Variants in FBXO31 observed in about 807,000 individuals in gnomAD.
FBXO31 encodes the protein F-box only protein 31.
Under a neutral mutation model 54.4 loss-of-function variants are expected in FBXO31, and 24 were observed. The ratio of observed to expected loss-of-function variants is 0.44; its 90% CI spans 0.32 to 0.62. The LOEUF (loss-of-function observed/expected upper bound fraction) is 0.62. Ranked by LOEUF, FBXO31 falls within the 20% of genes least tolerant of loss-of-function variation. FBXO31 has a pLI of 0.05. For missense variants in FBXO31, 665 were observed against 787.1 expected, an observed-to-expected ratio of 0.84 and a Z score of 1.86; for synonymous variants, 388 against 335.6, an observed-to-expected ratio of 1.16 and a Z score of -1.71.
intron 8 of FBXO31, among the ~76,000 whole-genome samples, chr16:87,332,487 C>G (rs960295979): frequency 1.6e-4 from 25 of 152,238 alleles, no homozygotes; most frequent in Admixed American, 1.6e-3. Flanking sequence ...TGAAGGGTAA[C>G]AGAGCTTTTT....
At chr16:87,356,706 A>C (rs2030272467) in intron 2 of FBXO31, among the ~76,000 whole-genome samples, 1 of 152,292 alleles carries the variant, frequency 6.6e-6, no homozygotes, top group South Asian at 2.1e-4. Context: ...ATTAGGTGAA[A>C]TTACTCTTTC....
In FBXO31 at chr16:87,354,372, G is replaced by C. The variant is rs111248091; in HGVS notation, c.412+5923C>G. On this transcript the variant is annotated intron_variant, in intron 2 of 8. Transcript: ENST00000311635. ...CACCTGTAGTCCCAGCTAACTAGGA[G>C]CTGAGGTCAGTCATCTGAGCCCGGG... Among the ~76,000 whole-genome samples the C allele has an allele frequency of 6.9e-3, 1,043 of 152,076 alleles. 9 individuals carry two copies. The highest frequency in any genetic ancestry group is 0.024 in the African/African-American group (980 of 41,464).
At chr16:87,370,869 T>C (rs1293257491) in intron 1 of FBXO31, among the ~76,000 whole-genome samples, 1 of 152,124 alleles carries the variant, frequency 6.6e-6, no homozygotes, top group Non-Finnish European at 1.5e-5. Flanking sequence ...ATAATTACAA[T>C]CCATAGGAAA....
chr16:87,383,284 G>C lies in FBXO31; in HGVS notation c.340+121C>G. ...CCACACCCAAAACACCACATCGCCG[G>C]GCCCCGCGCCCAACTGGTGGCCCCC... On this transcript the variant is annotated intron_variant, in intron 1 of 8. Transcript: ENST00000311635. This position sits in a 1 kb window ranked among gnomAD's most constrained non-coding sequence, Gnocchi z 4.9. 1.1e-6 allele frequency: 1 copy of C among 942,058 alleles called. No homozygotes were observed. Among genetic ancestry groups the C allele is most frequent in the Non-Finnish European group, 1.5e-6 (1 of 668,504 alleles). 58.4% of individuals were successfully genotyped at this position (942,058 alleles called of 1,614,324 possible). A position where few individuals can be genotyped will look rare whatever the true frequency, so the allele number is the denominator to read the frequency against.
chr16:87,377,828 CAA>C (rs1257957419), intron 1 of FBXO31, among the ~76,000 whole-genome samples: 3 of 127,386 alleles, frequency 2.4e-5, no homozygotes, highest in Admixed American at 8.1e-5. Context: ...GACCCAGTCT[CAA>C]AAAAAAAAAA....
intron 5 of FBXO31, among the ~76,000 whole-genome samples, chr16:87,337,850 C>A (rs972744337): frequency 6.6e-6 from 1 of 151,658 alleles, no homozygotes; most frequent in Admixed American, 6.6e-5. Flanking sequence ...TGGAGCCTAT[C>A]TTTGCAAACT....
At chr16:87,378,086 G>C (rs574544818) in intron 1 of FBXO31, among the ~76,000 whole-genome samples, 10 of 151,630 alleles carry the variant, frequency 6.6e-5, no homozygotes, top group African/African-American at 2.2e-4. Flanking sequence ...TTGAACCCGG[G>C]AGGCAGAGGT....
chr16:87,363,094 T>C (rs1022253273), intron 1 of FBXO31, among the ~76,000 whole-genome samples: 5 of 150,250 alleles, frequency 3.3e-5, no homozygotes, highest in South Asian at 4.4e-4. Context: ...AGGTTAAAAA[T>C]AAAACAAAAG....
At chr16:87,347,496 C>T (rs978125319) in intron 2 of FBXO31, among the ~76,000 whole-genome samples, 20 of 152,124 alleles carry the variant, frequency 1.3e-4, no homozygotes, top group East Asian at 9.7e-4. Flanking sequence ...CTGGCTAACA[C>T]GGTGAAACCC....
upstream of FBXO31, among the ~76,000 whole-genome samples, chr16:87,385,621 G>A (rs1907302808): frequency 6.6e-6 from 1 of 152,208 alleles, no homozygotes; most frequent in Admixed American, 6.5e-5. Context: ...GACTTTGGAT[G>A]ATCAAAGGTT....
intron 7 of FBXO31, among the ~76,000 whole-genome samples, chr16:87,334,495 G>C (rs912260445): frequency 1.3e-5 from 2 of 152,224 alleles, no homozygotes; most frequent in African/African-American, 2.4e-5. Context: ...GAGGACGGTG[G>C]CTCATACCTG....
At position 87,330,922 on chromosome 16, in the gene FBXO31, AG is replaced by A. The variant is rs1904830016; in HGVS notation, c.*365del. Reference sequence around the variant, plus strand: ...CCAGTCTATCACTCTATCCGCTCACAGGAAGAGCACCAGTCAGGAGGGTCCT... The same window carrying A: ...CCAGTCTATCACTCTATCCGCTCACAGAAGAGCACCAGTCAGGAGGGTCCT... On this transcript the variant is annotated 3_prime_UTR_variant, in exon 9 of 9. Coordinates refer to ENST00000311635, the MANE Select transcript of FBXO31 (RefSeq NM_024735.5). 1 of 260,538 alleles carries A rather than the reference AG, an allele frequency of 3.8e-6. No homozygotes were observed. The highest frequency in any genetic ancestry group is 7.6e-6 in the Non-Finnish European group (1 of 131,428). The allele number at this position is 260,538 out of a possible 1,614,324, so 16.1% of individuals were successfully genotyped here.
chr16:87,346,441 C>T lies in FBXO31; in HGVS notation c.489+733G>A, dbSNP rs995988363. ...AGAGAAGGAAAACTTCACCGAAAAA[C>T]GGGAATTTAATAAAAAAGAAAGCCA... On this transcript the variant is annotated intron_variant, in intron 3 of 8. Coordinates refer to ENST00000311635, the MANE Select transcript of FBXO31 (RefSeq NM_024735.5). The surrounding 1 kb of genome is among the most constrained non-coding windows in gnomAD (Gnocchi z 4.2). Among the ~76,000 whole-genome samples, 31 of 152,160 alleles carry T rather than the reference C, an allele frequency of 2.0e-4. No homozygotes were observed. Among genetic ancestry groups the T allele is most frequent in the African/African-American group, 5.8e-4 (24 of 41,442 alleles).
chr16:87,388,286 T>A (rs1453799242), upstream of FBXO31, among the ~76,000 whole-genome samples: 1 of 152,206 alleles, frequency 6.6e-6, no homozygotes. Context: ...TTCCCTGGAT[T>A]CTCCAGGGAA....
chr16:87,391,048 A>G (rs8059571), upstream of FBXO31, among the ~76,000 whole-genome samples: 69,447 of 152,178 alleles, frequency 0.46, 17,952 homozygotes, highest in East Asian at 1. Flanking sequence ...ATTAGATGTT[A>G]AAGAACAAAA....
At chr16:87,387,325 G>C (rs533950059), upstream of FBXO31, among the ~76,000 whole-genome samples, 1 of 152,084 alleles carries the variant, frequency 6.6e-6, no homozygotes, top group Non-Finnish European at 1.5e-5. Context: ...AGGAAGGTGC[G>C]TGCATTCTAA....
Position 87,383,628 on chromosome 16 carries a change from G to C in FBXO31, c.117C>G (p.Pro39=), listed in dbSNP as rs780050895. Residue 39 remains proline (P), a synonymous_variant, in exon 1 of 9, where the codon CCC becomes CCG. Transcript: ENST00000311635. This position sits in a 1 kb window ranked among gnomAD's most constrained non-coding sequence, Gnocchi z 4.9. ...CGCTAGCCTCGATGCGCTCCTCCTC[G>C]GGGTCTGTGTCCGGCTCGCTGTCGG... ...AAADSEPDTD[P]EEERIEASAG... The C allele has an allele frequency of 5.6e-6, 8 of 1,437,280 alleles. No individual in the cohort carries two copies. Among genetic ancestry groups the C allele is most frequent in the East Asian group, 3.0e-5 (1 of 32,904 alleles). 89.0% of individuals were successfully genotyped at this position (1,437,280 alleles called of 1,614,324 possible). A position where few individuals can be genotyped will look rare whatever the true frequency, so the allele number is the denominator to read the frequency against.
chr16:87,347,294 G>A (rs763251217), intron 2 of FBXO31, 44 bp from the exon 3 acceptor site: 31 of 1,573,298 alleles, frequency 2.0e-5, no homozygotes, highest in African/African-American at 2.7e-5. Context: ...TAGACCCAGC[G>A]TGCCGCAGGG....
chr16:87,352,870 C>A (rs558828172), intron 2 of FBXO31, among the ~76,000 whole-genome samples: 2 of 152,354 alleles, frequency 1.3e-5, no homozygotes, highest in East Asian at 1.9e-4. Flanking sequence ...CCTTCCAGCA[C>A]CGGCCCAGGC....
Sources: gnomAD v4.1 joint callset for allele counts (sites outside exome capture counted in the v4.1 genomes callset) on GRCh38, gnomAD v4.1.1 for gene constraint, Gnocchi (gnomAD v3.1) non-coding constraint, MANE v1.5 for transcripts, NCBI Gene and HGNC (gene_info 2026-07-23, HGNC 2026-07-21) for gene names.